The following CCDC171 variants were observed in gnomAD, a reference collection of about 807,000 sequenced individuals.
CCDC171 encodes the protein coiled-coil domain containing 171, also known as coiled-coil domain-containing protein 171.
CCDC171 carries 177 observed loss-of-function variants against 168.2 expected under a neutral mutation model. The observed-to-expected ratio is 1.05, with a 90% confidence interval of 0.93 to 1.19. The LOEUF (loss-of-function observed/expected upper bound fraction) is 1.19, where lower values mean the gene tolerates loss of function less well. CCDC171 is among the 50% of genes most tolerant of loss of function. CCDC171 has a pLI of 0.00. For missense variants in CCDC171, 1,991 were observed against 1,539.0 expected, an observed-to-expected ratio of 1.29 and a Z score of -4.91; for synonymous variants, 687 against 540.8, an observed-to-expected ratio of 1.27 and a Z score of -3.75.
chr9:15,659,691 T>C (rs979655548), intron 8 of CCDC171, among the ~76,000 whole-genome samples: 3 of 152,212 alleles, frequency 2.0e-5, no homozygotes, highest in Non-Finnish European at 4.4e-5. Flanking sequence ...TTTAGCAAGT[T>C]TGAAAATCAT....
At chr9:15,986,359 T>G (rs1831986485) in intron 3 of CCDC171, among the ~76,000 whole-genome samples, 1 of 152,236 alleles carries the variant, frequency 6.6e-6, no homozygotes, top group African/African-American at 2.4e-5. Flanking sequence ...GGACCATGTC[T>G]GTCTGCAATC....
intron 3 of CCDC171, among the ~76,000 whole-genome samples, chr9:15,983,813 A>AGTGTGTGTGTGT (rs1491447704): frequency 2.3e-5 from 1 of 43,382 alleles, no homozygotes; most frequent in Non-Finnish European, 4.2e-5. Flanking sequence ...AGCTAAATAA[A>AGTGTGTGTGTGT]GAGAGTGTGT....
chr9:15,915,363 T>TG (rs1327534252), intron 24 of CCDC171, among the ~76,000 whole-genome samples: 3 of 62,146 alleles, frequency 4.8e-5, no homozygotes, highest in South Asian at 6.0e-4. Flanking sequence ...ATATTCCTAG[T>TG]GTTTTTTTTT....
chr9:15,678,416 G>A (rs770456913), intron 9 of CCDC171, among the ~76,000 whole-genome samples: 1 of 152,062 alleles, frequency 6.6e-6, no homozygotes, highest in Non-Finnish European at 1.5e-5. Flanking sequence ...TGGTACTACT[G>A]TTTTCTCAGT....
chr9:16,041,013 G>A (rs983529886), upstream of CCDC171, among the ~76,000 whole-genome samples: 2 of 151,904 alleles, frequency 1.3e-5, no homozygotes, highest in African/African-American at 4.9e-5. Flanking sequence ...AGTTCTTAAT[G>A]AGCAGCTACT....
intron 18 of CCDC171, among the ~76,000 whole-genome samples, chr9:15,775,849 T>TA (rs1440944923): frequency 6.6e-6 from 1 of 152,120 alleles, no homozygotes; most frequent in Non-Finnish European, 1.5e-5. Context: ...AACAAACATG[T>TA]AAAAAATACC....
intron 7 of CCDC171, among the ~76,000 whole-genome samples, chr9:15,656,590 G>A (rs1293039006): frequency 2.0e-5 from 3 of 152,174 alleles, no homozygotes; most frequent in Non-Finnish European, 4.4e-5. Flanking sequence ...CAACCACATG[G>A]ATGGGTCTCA....
chr9:15,596,471 T>A (rs1295901015), intron 6 of CCDC171, among the ~76,000 whole-genome samples: 2 of 152,202 alleles, frequency 1.3e-5, no homozygotes, highest in Non-Finnish European at 2.9e-5. Context: ...GTGCTATTAT[T>A]TCTGAGGGCT....
chr9:15,562,596 C>T (rs780732765), intron 1 of CCDC171, among the ~76,000 whole-genome samples: 15 of 152,170 alleles, frequency 9.9e-5, no homozygotes, highest in Non-Finnish European at 1.9e-4. Flanking sequence ...TGCCACACTT[C>T]TCTGCCCAAT....
chr9:15,695,282 G>T lies in CCDC171; in HGVS notation c.1263G>T (p.Val421=). The T allele has an allele frequency of 2.5e-6, 4 of 1,614,136 alleles. No individual in the cohort carries two copies. The highest frequency in any genetic ancestry group is 3.4e-6 in the Non-Finnish European group (4 of 1,179,986). The stretch of plus-strand genomic sequence containing the variant: ...TAGTAGAGACATGTGAAAATAACGT[G>T]AAAGAATTGGAATCGATCTTGGACA... The part of the protein sequence containing the change: ...AFLVETCENN[V]KELESILDSF... The change falls in exon 11 of 26, where the codon GTG becomes GTT. Residue 421 remains valine, a synonymous_variant. Coordinates refer to ENST00000380701, the MANE Select transcript of CCDC171 (RefSeq NM_173550.4).
chr9:16,050,403 A>C (rs1475873701), intron 1 of CCDC171, among the ~76,000 whole-genome samples: 18 of 152,234 alleles, frequency 1.2e-4, no homozygotes. Flanking sequence ...ATCACTGTCC[A>C]AATACAAATA....
chr9:15,774,685 G>A (rs1051158606), intron 18 of CCDC171, among the ~76,000 whole-genome samples: 22 of 152,200 alleles, frequency 1.4e-4, no homozygotes, highest in African/African-American at 4.1e-4. Flanking sequence ...ATTTGCAATT[G>A]CAAAAGTGCG....
At chr9:15,901,161 G>T (rs933911144) in intron 24 of CCDC171, among the ~76,000 whole-genome samples, 5 of 152,128 alleles carry the variant, frequency 3.3e-5, no homozygotes, top group African/African-American at 1.2e-4. Context: ...TTGAGAAAAT[G>T]AAAAAGATCA....
At chr9:15,589,603 A>G (rs2041838176) in intron 4 of CCDC171, among the ~76,000 whole-genome samples, 1 of 152,220 alleles carries the variant, frequency 6.6e-6, no homozygotes, top group Non-Finnish European at 1.5e-5. Flanking sequence ...TCCTTTGAAG[A>G]AGAGGGTTTG....
At chr9:15,710,712 C>A (rs1486698083) in intron 11 of CCDC171, among the ~76,000 whole-genome samples, 8 of 152,146 alleles carry the variant, frequency 5.3e-5, no homozygotes, top group African/African-American at 1.9e-4. Context: ...TCTCCTGCCT[C>A]ATCCTCCCGC....
At chr9:15,591,233 A>T in intron 4 of CCDC171, 133 bp from the exon 5 acceptor site, 1 of 563,402 alleles carries the variant, frequency 1.8e-6, no homozygotes, top group South Asian at 2.6e-5. Context: ...TCAAGAGTTT[A>T]CTGTAATGGA....
chr9:15,569,647 C>G (rs1283173561), intron 2 of CCDC171, among the ~76,000 whole-genome samples: 4 of 151,636 alleles, frequency 2.6e-5, no homozygotes, highest in Non-Finnish European at 4.4e-5. Flanking sequence ...AACCCCGTCT[C>G]TACTAAAAAT....
intron 3 of CCDC171, among the ~76,000 whole-genome samples, chr9:16,002,634 G>A (rs886494273): frequency 6.6e-6 from 1 of 152,126 alleles, no homozygotes; most frequent in Admixed American, 6.5e-5. Flanking sequence ...TAAATTTATT[G>A]TAGCTAAGTG....
intron 6 of CCDC171, among the ~76,000 whole-genome samples, chr9:15,607,153 A>G (rs1404567833): frequency 6.6e-6 from 1 of 152,328 alleles, no homozygotes; most frequent in African/African-American, 2.4e-5. Flanking sequence ...AGGGATTTAT[A>G]TATACTCAAT....
Sources: gnomAD v4.1 joint callset for allele counts (sites outside exome capture counted in the v4.1 genomes callset) on GRCh38, gnomAD v4.1.1 for gene constraint, MANE v1.5 for transcripts, NCBI Gene and HGNC (gene_info 2026-07-23, HGNC 2026-07-21) for gene names.